Variants in SGPL1 observed in about 807,000 individuals in gnomAD.
SGPL1 encodes the protein SP-lyase 1.
SGPL1 carries 37 observed loss-of-function variants against 68.9 expected under a neutral mutation model. The ratio of observed to expected loss-of-function variants is 0.54; its 90% CI spans 0.41 to 0.71. The LOEUF (loss-of-function observed/expected upper bound fraction) is 0.71, where lower values mean the gene tolerates loss of function less well. Ranked by LOEUF, SGPL1 falls within the 30% of genes least tolerant of loss-of-function variation. The pLI is 0.00. For missense variants in SGPL1, 551 were observed against 704.6 expected (o/e 0.78, Z 2.47); for synonymous variants, 236 against 248.5 (o/e 0.95, Z 0.47).
chr10:70,832,541 C>T, intron 2 of SGPL1, among the ~76,000 whole-genome samples: 1 of 152,180 alleles, frequency 6.6e-6, no homozygotes, highest in East Asian at 1.9e-4. Flanking sequence ...GTGATATGCT[C>T]AGAGAAGTTA....
chr10:70,843,455 G>T (rs1191549117), intron 2 of SGPL1, among the ~76,000 whole-genome samples: 1 of 152,220 alleles, frequency 6.6e-6, no homozygotes, highest in Non-Finnish European at 1.5e-5. Flanking sequence ...GGGCATTGTA[G>T]GGGATTGTAG....
chr10:70,856,182 GAT>G (rs1845960638), intron 5 of SGPL1, among the ~76,000 whole-genome samples: 1 of 152,058 alleles, frequency 6.6e-6, no homozygotes, highest in Non-Finnish European at 1.5e-5. Context: ...TTTTAGTAGA[GAT>G]AAGATTTCAC....
At chr10:70,833,409 C>A (rs888978995) in intron 2 of SGPL1, among the ~76,000 whole-genome samples, 1 of 152,194 alleles carries the variant, frequency 6.6e-6, no homozygotes, top group South Asian at 2.1e-4. Context: ...TTTCCTCAAA[C>A]GTTTCTCACA....
At chr10:70,838,516 C>T (rs1457141741) in intron 2 of SGPL1, among the ~76,000 whole-genome samples, 1 of 152,188 alleles carries the variant, frequency 6.6e-6, no homozygotes, top group Non-Finnish European at 1.5e-5. Flanking sequence ...ATTACTTCAG[C>T]TCATATTCCT....
chr10:70,868,331 C>T lies in SGPL1; in HGVS notation c.616-14C>T, dbSNP rs1432584432. 1 of 1,590,004 alleles carries T rather than the reference C, an allele frequency of 6.3e-7. No individual in the cohort carries two copies. Among genetic ancestry groups the T allele is most frequent in the Middle Eastern group, 1.7e-4 (1 of 5,968 alleles). Reference sequence around the variant, plus strand: ...CTGACTCCCCCAACAGATGGCATCTCTTCTTTATTATAGGTGACTTCTGGG... The same window carrying T: ...CTGACTCCCCCAACAGATGGCATCTTTTCTTTATTATAGGTGACTTCTGGG... On this transcript the variant is annotated splice_polypyrimidine_tract_variant and intron_variant, in intron 7 of 14. Transcript: ENST00000373202.
At chr10:70,875,313 A>G (rs894227927) in intron 12 of SGPL1, 89 bp from the exon 13 acceptor site, 10 of 833,424 alleles carry the variant, frequency 1.2e-5, no homozygotes, top group Non-Finnish European at 1.8e-5. Flanking sequence ...ATTATAAGGA[A>G]GACTTTGAAT....
At position 70,881,049 on chromosome 10, in the gene SGPL1, T is replaced by G. The variant is rs538772814; in HGVS notation, c.*3714T>G. 20 of 152,300 alleles carry G rather than the reference T, an allele frequency of 1.3e-4. No individual in the cohort carries two copies. Among genetic ancestry groups the G allele is most frequent in the Middle Eastern group, 3.4e-3 (1 of 294 alleles). The allele number at this position is 152,300 out of a possible 1,614,324, so 9.4% of individuals were successfully genotyped here. On this transcript the variant is annotated 3_prime_UTR_variant, in exon 15 of 15. Transcript: ENST00000373202. ...GATTTTTGAGAACCTTTTTCCTGAT[T>G]TGAAGTTTTAATTACCTTATTTTCT...
intron 2 of SGPL1, among the ~76,000 whole-genome samples, chr10:70,840,156 C>G (rs1845692012): frequency 6.6e-6 from 1 of 152,072 alleles, no homozygotes; most frequent in East Asian, 1.9e-4. Flanking sequence ...TAATGTGTTA[C>G]TCCTCTGCCC....
rs1458319722 is a variant in SGPL1, at chr10:70,870,523, ACT to A, written c.811-521_811-520del. 2.0e-5 allele frequency among the ~76,000 whole-genome samples: 3 copies of A among 148,494 alleles called. No individual in the cohort carries two copies. The East Asian group carries it at 6.0e-4, about 29-fold the overall frequency. ...ACCCTGTCTCAAAAAAAAAAAAAAG[ACT>A]CTCACTGTGGTTTAGATTGGCTTAA... On this transcript the variant is annotated intron_variant, in intron 9 of 14. Coordinates refer to ENST00000373202, the MANE Select transcript of SGPL1 (RefSeq NM_003901.4).
rs1370853986 is a variant in SGPL1, at chr10:70,857,653, A to G, written c.449A>G (p.Tyr150Cys). The G allele has an allele frequency of 1.2e-6, 2 of 1,613,176 alleles. No homozygotes were observed. Among genetic ancestry groups the G allele is most frequent in the South Asian group, 1.1e-5 (1 of 91,014 alleles). ...WQEGRASGTV[Y>C]SGEEKLTELL... ...GAGGGGAGAGCCTCTGGAACAGTGTACAGTGGGGAGGAGAAGCTCACTGAG... is the reference window on the plus strand; with the variant it reads ...GAGGGGAGAGCCTCTGGAACAGTGTGCAGTGGGGAGGAGAAGCTCACTGAG... Residue 150 changes from tyrosine (Y) to cysteine (C), a missense_variant, in exon 6 of 15, where the codon TAC becomes TGC. Transcript: ENST00000373202.
chr10:70,850,219 T>C (rs941807052), intron 3 of SGPL1, among the ~76,000 whole-genome samples: 1 of 152,194 alleles, frequency 6.6e-6, no homozygotes, highest in African/African-American at 2.4e-5. Flanking sequence ...CTCACTGTGT[T>C]GCCCAGGCTG....
At chr10:70,832,550 T>C (rs568661502) in intron 2 of SGPL1, among the ~76,000 whole-genome samples, 1 of 152,356 alleles carries the variant, frequency 6.6e-6, no homozygotes, top group South Asian at 2.1e-4. Context: ...TCAGAGAAGT[T>C]AAGACTTCTT....
intron 2 of SGPL1, among the ~76,000 whole-genome samples, chr10:70,832,805 G>A (rs1409322224): frequency 6.6e-6 from 1 of 152,124 alleles, no homozygotes; most frequent in Non-Finnish European, 1.5e-5. Context: ...CTTAGGCTGG[G>A]AGTCTATTTT....
At chr10:70,822,199 C>G (rs1400028083) in intron 2 of SGPL1, among the ~76,000 whole-genome samples, 6 of 152,078 alleles carry the variant, frequency 3.9e-5, no homozygotes, top group Non-Finnish European at 7.4e-5. Context: ...AGGGAAAATT[C>G]ATTGGGATTG....
chr10:70,870,223 C>G (rs1367529816), intron 9 of SGPL1, among the ~76,000 whole-genome samples: 1 of 152,082 alleles, frequency 6.6e-6, no homozygotes, highest in Admixed American at 6.6e-5. Context: ...ATGGCCCGGG[C>G]ATGGTGGCTC....
chr10:70,877,625 A>G lies in SGPL1; in HGVS notation c.*290A>G, dbSNP rs1327739233. On this transcript the variant is annotated 3_prime_UTR_variant, in exon 15 of 15. Transcript: ENST00000373202. ...CCTTTTCTAAACTCTCTAGCTTTCA[A>G]CTTTACTTAAACATTGTGTGGTAGC... The G allele has an allele frequency of 9.3e-6, 3 of 323,470 alleles. No individual in the cohort carries two copies. The highest frequency in any genetic ancestry group is 6.6e-5 in the South Asian group (1 of 15,100). The allele number at this position is 323,470 out of a possible 1,614,324, so 20.0% of individuals were successfully genotyped here.
intron 4 of SGPL1, among the ~76,000 whole-genome samples, chr10:70,852,283 T>C (rs1406395275): frequency 6.6e-6 from 1 of 152,246 alleles, no homozygotes; most frequent in African/African-American, 2.4e-5. Flanking sequence ...TTCAGATCGC[T>C]GTGCTAACTC....
At chr10:70,862,758 G>A (rs907482191) in intron 7 of SGPL1, among the ~76,000 whole-genome samples, 1 of 151,970 alleles carries the variant, frequency 6.6e-6, no homozygotes, top group Non-Finnish European at 1.5e-5. Context: ...GACCACGAAC[G>A]CACCAGAAGG....
intron 2 of SGPL1, among the ~76,000 whole-genome samples, chr10:70,818,112 T>G (rs1387517040): frequency 6.6e-6 from 1 of 152,066 alleles, no homozygotes; most frequent in African/African-American, 2.4e-5. Flanking sequence ...TTGTTTCGTT[T>G]TGTTTTGTTT....
Sources: gnomAD v4.1 joint callset for allele counts (sites outside exome capture counted in the v4.1 genomes callset) on GRCh38, gnomAD v4.1.1 for gene constraint, MANE v1.5 for transcripts, NCBI Gene and HGNC (gene_info 2026-07-23, HGNC 2026-07-21) for gene names.